Variants in FAS observed in about 807,000 individuals in gnomAD.
FAS encodes the protein tumor necrosis factor receptor superfamily member 6.
FAS carries 5 observed loss-of-function variants against 33.2 expected under a neutral mutation model. That is an observed-to-expected ratio of 0.15 (90% CI 0.08 to 0.32). FAS has a LOEUF of 0.32. Among genes scored for constraint, FAS ranks in the 10% least tolerant of loss-of-function variants. FAS has a pLI of 1.00. For synonymous variants in FAS, 131 were observed against 130.7 expected (o/e 1.00, Z -0.01); for missense variants, 339 against 386.0 (o/e 0.88, Z 1.02).
rs924465667 is a variant in FAS, at chr10:89,015,406, A to G, written c.*956A>G. 3 of 531,038 alleles carry G rather than the reference A, an allele frequency of 5.6e-6. No homozygotes were observed. Among genetic ancestry groups the G allele is most frequent in the African/African-American group, 1.9e-5 (1 of 53,730 alleles). The allele number at this position is 531,038 out of a possible 1,614,324, so 32.9% of individuals were successfully genotyped here. A position where few individuals can be genotyped will look rare whatever the true frequency, so the allele number is the denominator to read the frequency against. ...TTTGCAATCAAAGATGATAAAATAG[A>G]TTCTTATTTTTCCCCCACCCCCGAA... is the stretch of plus-strand genomic sequence containing the variant. On this transcript the variant is annotated 3_prime_UTR_variant, in exon 9 of 9. Coordinates refer to ENST00000652046, the MANE Select transcript of FAS (RefSeq NM_000043.6).
chr10:88,978,659 A>G (rs1589423212), intron 2 of FAS, among the ~76,000 whole-genome samples: 1 of 152,182 alleles, frequency 6.6e-6, no homozygotes, highest in Non-Finnish European at 1.5e-5. Context: ...AGCCAGGCTC[A>G]GTTCATTTGC....
intron 7 of FAS, 21 bp from the exon 8 acceptor site, chr10:89,013,322 C>A: frequency 6.2e-7 from 1 of 1,607,390 alleles, no homozygotes; most frequent in South Asian, 1.1e-5. Flanking sequence ...TCTTTCTCTG[C>A]TTCCATTTTT....
chr10:89,005,520 A>ATATATG (rs1848177821), intron 2 of FAS, among the ~76,000 whole-genome samples: 2 of 152,172 alleles, frequency 1.3e-5, no homozygotes, highest in African/African-American at 4.8e-5. Flanking sequence ...ATATATATAT[A>ATATATG]TACACACCTG....
At position 89,010,225 on chromosome 10, in the gene FAS, G is replaced by A. The variant is rs545335214; in HGVS notation, c.444-314G>A. ...AGCTAGTTTAAGCTATAGGATTTAC[G>A]TGTTCAGTTTATTACTAGGTTTAAG... On this transcript the variant is annotated intron_variant, in intron 4 of 8. Coordinates refer to ENST00000652046, the MANE Select transcript of FAS (RefSeq NM_000043.6). 1.6e-4 allele frequency among the ~76,000 whole-genome samples: 25 copies of A among 152,214 alleles called. No homozygotes were observed. The South Asian group carries it at 3.9e-3, about 24-fold the overall frequency.
At chr10:88,980,844 A>G (rs1205765660) in intron 2 of FAS, among the ~76,000 whole-genome samples, 3 of 152,212 alleles carry the variant, frequency 2.0e-5, no homozygotes, top group Non-Finnish European at 4.4e-5. Context: ...TAAATTTAAA[A>G]AGAGAGAGAT....
intron 4 of FAS, among the ~76,000 whole-genome samples, chr10:89,009,618 C>T (rs1357510176): frequency 6.6e-6 from 1 of 152,182 alleles, no homozygotes; most frequent in Non-Finnish European, 1.5e-5. Flanking sequence ...GTTAGAGAAC[C>T]TGCCTTGTAA....
At chr10:89,001,676 G>T (rs1166256132) in intron 1 of FAS, among the ~76,000 whole-genome samples, 1 of 152,126 alleles carries the variant, frequency 6.6e-6, no homozygotes, top group Non-Finnish European at 1.5e-5. Flanking sequence ...TATGAAAAGT[G>T]ATTCTTCCTC....
upstream of FAS, among the ~76,000 whole-genome samples, chr10:88,986,849 C>A (rs1846907672): frequency 6.6e-6 from 1 of 152,100 alleles, no homozygotes; most frequent in Non-Finnish European, 1.5e-5. Context: ...CTGTGACCCC[C>A]AAATTATCAA....
At chr10:89,014,000 A>T in intron 8 of FAS, 119 bp from the exon 9 acceptor site, 1 of 1,049,820 alleles carries the variant, frequency 9.5e-7, no homozygotes. Context: ...TCAGCTCTTC[A>T]TAGACCTTTA....
At chr10:88,994,849 T>G (rs1339598741) in intron 1 of FAS, among the ~76,000 whole-genome samples, 2 of 151,106 alleles carry the variant, frequency 1.3e-5, no homozygotes, top group African/African-American at 4.8e-5. Flanking sequence ...ATTTTTATAA[T>G]TTACTATTGA....
intron 2 of FAS, among the ~76,000 whole-genome samples, chr10:89,005,154 G>C (rs1179765542): frequency 9.2e-6 from 1 of 109,016 alleles, no homozygotes; most frequent in Non-Finnish European, 1.8e-5. Context: ...GTATGTTTAT[G>C]TTTTCCTTTC....
rs541501168 is a variant in FAS, at chr10:89,005,109, A to G, written c.196+1915A>G. On this transcript the variant is annotated intron_variant, in intron 2 of 8. Transcript: ENST00000652046. The stretch of plus-strand genomic sequence containing the variant: ...TAAAAGTTAAGTAGTAGGAAAAATC[A>G]CAAAAATCTCTAAAGCCATTCATAG... Among the ~76,000 whole-genome samples, 9 of 151,960 alleles carry G rather than the reference A, an allele frequency of 5.9e-5. No homozygotes were observed. In the South Asian group the frequency reaches 1.9e-3, roughly 32 times the overall value.
intron 1 of FAS, among the ~76,000 whole-genome samples, chr10:89,001,202 C>G (rs899783513): frequency 1.3e-5 from 2 of 151,728 alleles, no homozygotes; most frequent in Admixed American, 1.3e-4. Flanking sequence ...ACTGACTGTT[C>G]CAGGCATCTG....
chr10:88,969,302 C>CA (rs947114557), intron 1 of FAS, among the ~76,000 whole-genome samples: 9 of 151,540 alleles, frequency 5.9e-5, no homozygotes, highest in Admixed American at 2.0e-4. Flanking sequence ...AATTTTCCAT[C>CA]AAAAAAAAAT....
intron 2 of FAS, among the ~76,000 whole-genome samples, chr10:89,003,605 T>A (rs140539808): frequency 6.6e-6 from 1 of 152,262 alleles, no homozygotes. Flanking sequence ...AATCAGAAGG[T>A]CTCTAAGAAA....
At chr10:88,996,873 C>T (rs1847629785) in intron 1 of FAS, among the ~76,000 whole-genome samples, 2 of 152,162 alleles carry the variant, frequency 1.3e-5, no homozygotes, top group Non-Finnish European at 2.9e-5. Flanking sequence ...AGTCCCTTAT[C>T]CCAGGTTGCT....
upstream of FAS, among the ~76,000 whole-genome samples, chr10:88,982,057 T>C (rs185263319): frequency 6.6e-6 from 1 of 152,328 alleles, no homozygotes; most frequent in Admixed American, 6.5e-5. Context: ...GATTAACTGG[T>C]ATGTGTTAGT....
At chr10:89,006,484 T>C (rs1173564837) in intron 2 of FAS, among the ~76,000 whole-genome samples, 1 of 152,222 alleles carries the variant, frequency 6.6e-6, no homozygotes, top group Admixed American at 6.5e-5. Context: ...CAGAAATTAA[T>C]TTTGCTGTAT....
chr10:89,014,946 T>C lies in FAS; in HGVS notation c.*496T>C, dbSNP rs1848724287. 1.9e-6 allele frequency: 1 copy of C among 534,650 alleles called. No individual in the cohort carries two copies. Among genetic ancestry groups the C allele is most frequent in the African/African-American group, 1.9e-5 (1 of 53,910 alleles). The allele number at this position is 534,650 out of a possible 1,614,324, so 33.1% of individuals were successfully genotyped here. ...TATTTCTAAACTTTGTTTATAACTC[T>C]GAGAAGATCATATTTATGTAAAGTA... On this transcript the variant is annotated 3_prime_UTR_variant, in exon 9 of 9. Transcript: ENST00000652046.
Sources: allele counts gnomAD v4.1 joint callset (sites outside exome capture counted in the v4.1 genomes callset), GRCh38; gene constraint gnomAD v4.1.1; transcripts MANE v1.5; gene names NCBI Gene and HGNC (gene_info 2026-07-23, HGNC 2026-07-21).